Variants in RNF180 observed in about 807,000 individuals in gnomAD.
RNF180 encodes E3 ubiquitin-protein ligase RNF180.
A neutral mutation model predicts 59.2 loss-of-function variants in RNF180; 38 were observed. The observed-to-expected ratio is 0.64, with a 90% CI of 0.50 to 0.84. The LOEUF is 0.84. Among genes scored for constraint, RNF180 ranks in the 40% least tolerant of loss-of-function variants. The pLI is 0.00. For synonymous variants in RNF180, 262 were observed against 240.3 expected (o/e 1.09, Z -0.84); for missense variants, 705 against 700.9 (o/e 1.01, Z -0.07).
chr5:64,209,712 T>C (rs1752205208), intron 2 of RNF180, among the ~76,000 whole-genome samples: 1 of 152,110 alleles, frequency 6.6e-6, no homozygotes, highest in Non-Finnish European at 1.5e-5. Flanking sequence ...ATTCTGGATC[T>C]GATAATGAAA....
intron 5 of RNF180, among the ~76,000 whole-genome samples, chr5:64,323,254 A>T (rs1161824118): frequency 6.6e-6 from 1 of 152,142 alleles, no homozygotes. Flanking sequence ...TACAAATAGG[A>T]TATAGGCTGG....
chr5:64,245,812 A>G (rs1046608854), intron 5 of RNF180, among the ~76,000 whole-genome samples: 1 of 152,204 alleles, frequency 6.6e-6, no homozygotes, highest in Non-Finnish European at 1.5e-5. Flanking sequence ...AACAGAATAT[A>G]CATTCTTCTA....
At chr5:64,264,569 T>C (rs191895621) in intron 5 of RNF180, among the ~76,000 whole-genome samples, 2 of 152,330 alleles carry the variant, frequency 1.3e-5, no homozygotes, top group African/African-American at 4.8e-5. Flanking sequence ...CTGATTCTTT[T>C]TTGTGGCTGT....
intron 1 of RNF180, among the ~76,000 whole-genome samples, chr5:64,192,724 G>T (rs767681773): frequency 6.6e-6 from 1 of 151,406 alleles, no homozygotes; most frequent in Non-Finnish European, 1.5e-5. Flanking sequence ...ATTAAAAGTA[G>T]AACTACCACA....
intron 3 of RNF180, among the ~76,000 whole-genome samples, chr5:64,212,728 T>A (rs1752374596): frequency 6.6e-6 from 1 of 152,138 alleles, no homozygotes; most frequent in Admixed American, 6.6e-5. Flanking sequence ...TAATGAAATA[T>A]TATAAGAGCA....
At chr5:64,360,706 G>A (rs997968872) in intron 7 of RNF180, among the ~76,000 whole-genome samples, 49 of 151,652 alleles carry the variant, frequency 3.2e-4, no homozygotes, top group African/African-American at 8.5e-4. Context: ...TACCCTATTC[G>A]TAAGCTAACA....
chr5:64,216,696 A>C lies in RNF180; in HGVS notation c.1192-665A>C, dbSNP rs897257253. Among the ~76,000 whole-genome samples, 3 of 152,204 alleles carry C rather than the reference A, an allele frequency of 2.0e-5. No homozygotes were observed. In the East Asian group the frequency reaches 5.8e-4, roughly 29 times the overall value. ...TAGGGATGTAAATGAGATTGATATT[A>C]AAGCAGACATTACAGCCAGTTTTCA... On this transcript the variant is annotated intron_variant, in intron 4 of 7. Coordinates refer to ENST00000389100, the MANE Select transcript of RNF180 (RefSeq NM_001113561.2).
At chr5:64,311,323 C>G (rs1436836305) in intron 5 of RNF180, among the ~76,000 whole-genome samples, 1 of 151,956 alleles carries the variant, frequency 6.6e-6, no homozygotes, top group Non-Finnish European at 1.5e-5. Flanking sequence ...AAGCATAGAT[C>G]TGCATCACAC....
chr5:64,217,900 T>C (rs1292862479), intron 5 of RNF180: 1 of 152,174 alleles, frequency 6.6e-6, no homozygotes, highest in Non-Finnish European at 1.5e-5. Flanking sequence ...AAGGCTACAG[T>C]GAGCTATGAT....
At chr5:64,315,723 C>T (rs930228061) in intron 5 of RNF180, among the ~76,000 whole-genome samples, 3 of 129,506 alleles carry the variant, frequency 2.3e-5, no homozygotes, top group Admixed American at 8.7e-5. Flanking sequence ...GCAACAAGAG[C>T]GTAACTGTCT....
intron 5 of RNF180, among the ~76,000 whole-genome samples, chr5:64,277,201 A>G (rs1164667419): frequency 2.6e-5 from 4 of 151,732 alleles, no homozygotes; most frequent in Non-Finnish European, 4.4e-5. Flanking sequence ...GGGGAAAAAA[A>G]AAAAAAGAGA....
At chr5:64,259,621 A>G (rs144529368) in intron 5 of RNF180, among the ~76,000 whole-genome samples, 49 of 152,190 alleles carry the variant, frequency 3.2e-4, no homozygotes, top group African/African-American at 1.1e-3. Context: ...TAAGAGTACT[A>G]TATGCTCTTA....
intron 5 of RNF180, among the ~76,000 whole-genome samples, chr5:64,315,883 G>C (rs1744017021): frequency 6.6e-6 from 1 of 151,832 alleles, no homozygotes; most frequent in African/African-American, 2.4e-5. Context: ...TATTTTTCCA[G>C]ATTGATTAAG....
intron 5 of RNF180, among the ~76,000 whole-genome samples, chr5:64,289,970 G>A (rs1156245095): frequency 6.6e-6 from 1 of 152,016 alleles, no homozygotes; most frequent in Non-Finnish European, 1.5e-5. Flanking sequence ...TTTTACTTGT[G>A]ATGTTAGGTT....
rs183412685 is a variant in RNF180 at position 64,215,583 on chromosome 5, A to G, written c.1191+1066A>G. ...TTTACAAGTGATAGTATAATGTGAC[A>G]TCAAAGTATATATTACAGAATGTAA... is the stretch of plus-strand genomic sequence containing the variant. On this transcript the variant is annotated intron_variant, in intron 4 of 7. Transcript: ENST00000389100. 8.5e-5 allele frequency among the ~76,000 whole-genome samples: 13 copies of G among 152,272 alleles called. No homozygotes were observed. In the East Asian group the frequency reaches 2.1e-3, roughly 25 times the overall value.
intron 5 of RNF180, among the ~76,000 whole-genome samples, chr5:64,235,731 G>A (rs1742397461): frequency 6.6e-6 from 1 of 152,118 alleles, no homozygotes; most frequent in South Asian, 2.1e-4. Flanking sequence ...GATAATGGGA[G>A]TGGATTTCCC....
chr5:64,262,791 C>T (rs139220338), intron 5 of RNF180, among the ~76,000 whole-genome samples: 1 of 152,194 alleles, frequency 6.6e-6, no homozygotes, highest in East Asian at 1.9e-4. Flanking sequence ...AAAAGGGGCT[C>T]CCCAACATTT....
intron 5 of RNF180, among the ~76,000 whole-genome samples, chr5:64,304,017 T>C (rs976077174): frequency 3.0e-4 from 46 of 151,666 alleles, no homozygotes; most frequent in African/African-American, 1.1e-3. Flanking sequence ...TTAAGAGTTA[T>C]GCTAAATCTA....
intron 5 of RNF180, among the ~76,000 whole-genome samples, chr5:64,217,958 T>C (rs551246205): frequency 6.6e-5 from 10 of 152,092 alleles, no homozygotes; most frequent in African/African-American, 2.2e-4. Context: ...AAACAATCTT[T>C]TACTCACTTT....
Sources: gnomAD v4.1 joint callset for allele counts (sites outside exome capture counted in the v4.1 genomes callset) on GRCh38, gnomAD v4.1.1 for gene constraint, MANE v1.5 for transcripts, NCBI Gene and HGNC (gene_info 2026-07-23, HGNC 2026-07-21) for gene names.